GRM5: variants seen among roughly 807,000 people sequenced by gnomAD.
GRM5 encodes the protein metabotropic glutamate receptor 5.
GRM5 carries 19 observed loss-of-function variants against 83.1 expected under a neutral mutation model. The observed-to-expected ratio is 0.23, with a 90% CI of 0.16 to 0.34. The LOEUF (loss-of-function observed/expected upper bound fraction) is 0.34, where lower values mean the gene tolerates loss of function less well. GRM5 is among the 10% of genes least tolerant of loss of function. GRM5 has a pLI of 1.00. For synonymous variants in GRM5, 675 were observed against 633.6 expected (o/e 1.07, Z -0.98); for missense variants, 1,160 against 1,588.3 (o/e 0.73, Z 4.58).
chr11:88,569,676 T>G (rs1243628411), intron 7 of GRM5, among the ~76,000 whole-genome samples: 5 of 152,216 alleles, frequency 3.3e-5, no homozygotes, highest in Admixed American at 1.3e-4. Context: ...ACAGAAAATG[T>G]GTTCTGGGTT....
chr11:88,901,108 G>T, intron 2 of GRM5, among the ~76,000 whole-genome samples: 1 of 152,110 alleles, frequency 6.6e-6, no homozygotes, highest in Non-Finnish European at 1.5e-5. Context: ...GACGTGGACA[G>T]GTAGGGAGAG....
At chr11:88,955,574 A>C (rs1938584120) in intron 2 of GRM5, among the ~76,000 whole-genome samples, 1 of 152,202 alleles carries the variant, frequency 6.6e-6, no homozygotes. Context: ...TTAGCTTAAA[A>C]TGCTTTTTTT....
chr11:88,914,403 G>A (rs552476531), intron 2 of GRM5, among the ~76,000 whole-genome samples: 5 of 152,286 alleles, frequency 3.3e-5, no homozygotes, highest in Admixed American at 2.6e-4. Flanking sequence ...TGAGATTCTT[G>A]TGAGAGATCA....
chr11:88,601,920 A>C (rs936461535), intron 5 of GRM5, among the ~76,000 whole-genome samples: 1 of 152,174 alleles, frequency 6.6e-6, no homozygotes, highest in African/African-American at 2.4e-5. Flanking sequence ...CTGGGTTCCA[A>C]AAAACCTTTC....
intron 5 of GRM5, 90 bp downstream of exon 5, chr11:88,604,628 T>A: frequency 1.8e-6 from 2 of 1,091,928 alleles, no homozygotes; most frequent in African/African-American, 1.6e-5. Context: ...AAACCTAGAT[T>A]AACCACAAAG....
chr11:89,001,459 A>T (rs974198232), intron 2 of GRM5, among the ~76,000 whole-genome samples: 2 of 152,134 alleles, frequency 1.3e-5, no homozygotes, highest in Non-Finnish European at 2.9e-5. Context: ...CCGGAAAGTC[A>T]TATTTGTATA....
intron 2 of GRM5, among the ~76,000 whole-genome samples, chr11:89,003,294 T>C (rs574821818): frequency 1.3e-5 from 2 of 152,088 alleles, no homozygotes; most frequent in African/African-American, 4.8e-5. Context: ...ATATGGGATA[T>C]AGTGCCGGGC....
chr11:88,714,730 C>G (rs1054237383), intron 3 of GRM5, among the ~76,000 whole-genome samples: 2 of 151,826 alleles, frequency 1.3e-5, no homozygotes, highest in African/African-American at 4.8e-5. Context: ...ACTCATGTTT[C>G]CTGTGATGCA....
intron 4 of GRM5, among the ~76,000 whole-genome samples, chr11:88,650,866 CTTATT>C (rs1005704734): frequency 1.3e-5 from 2 of 151,900 alleles, no homozygotes; most frequent in Non-Finnish European, 2.9e-5. Context: ...ACTGGAGGAA[CTTATT>C]TTGTCTCTCT....
intron 9 of GRM5, among the ~76,000 whole-genome samples, chr11:88,517,597 A>ATAAGATTAT (rs1941557535): frequency 1.3e-5 from 2 of 152,294 alleles, no homozygotes; most frequent in South Asian, 4.1e-4. Flanking sequence ...CATAATGGGA[A>ATAAGATTAT]TATGCCAATA....
intron 1 of GRM5, among the ~76,000 whole-genome samples, chr11:89,062,633 C>T (rs1169912276): frequency 6.6e-6 from 1 of 152,224 alleles, no homozygotes; most frequent in Non-Finnish European, 1.5e-5. Context: ...AAGATTGTGT[C>T]TAAATAAGCA....
intron 3 of GRM5, among the ~76,000 whole-genome samples, chr11:88,841,551 G>T (rs1590902976): frequency 6.6e-6 from 1 of 152,138 alleles, no homozygotes; most frequent in Non-Finnish European, 1.5e-5. Flanking sequence ...GAAGAGCAAG[G>T]TTTTCACATC....
intron 3 of GRM5, among the ~76,000 whole-genome samples, chr11:88,846,459 G>A (rs1440923049): frequency 3.3e-5 from 5 of 152,176 alleles, no homozygotes; most frequent in Non-Finnish European, 7.4e-5. Flanking sequence ...GAAAGACCTA[G>A]TGGTGAGGTG....
chr11:88,944,255 G>C (rs1207331726), intron 2 of GRM5, among the ~76,000 whole-genome samples: 1 of 151,970 alleles, frequency 6.6e-6, no homozygotes, highest in Non-Finnish European at 1.5e-5. Flanking sequence ...GACAAACTAA[G>C]GAGTTTGGAT....
At position 88,767,565 on chromosome 11, in the gene GRM5, A is replaced by T. The variant is rs760483661; in HGVS notation, c.911+82341T>A. Among the ~76,000 whole-genome samples the T allele has an allele frequency of 1.3e-4, 20 of 152,034 alleles. 2 individuals are homozygous for T. Among genetic ancestry groups the T allele is most frequent in the Admixed American group, 6.6e-4 (10 of 15,232 alleles). On this transcript the variant is annotated intron_variant, in intron 3 of 9. Transcript: ENST00000305447. ...TGGAGGTCATTATCCTAAGCAAAGT[A>T]ATACAGGAGCAGAAAACCAAATACT... is the stretch of plus-strand genomic sequence containing the variant.
chr11:89,063,331 C>G (rs1236663282), intron 1 of GRM5: 1 of 152,264 alleles, frequency 6.6e-6, no homozygotes, highest in Non-Finnish European at 1.5e-5. Context: ...GCAAATGGAA[C>G]AGACTTGAAT....
At chr11:88,966,839 A>G (rs1229804073) in intron 2 of GRM5, among the ~76,000 whole-genome samples, 1 of 152,126 alleles carries the variant, frequency 6.6e-6, no homozygotes, top group Non-Finnish European at 1.5e-5. Flanking sequence ...ACTATGGCAG[A>G]TAATTCTGGT....
At chr11:88,747,575 A>G (rs1942170018) in intron 3 of GRM5, among the ~76,000 whole-genome samples, 1 of 152,184 alleles carries the variant, frequency 6.6e-6, no homozygotes, top group Admixed American at 6.6e-5. Flanking sequence ...TAAAAATGGA[A>G]AGGTGTCAAG....
At chr11:88,675,643 G>C (rs1940307652) in intron 3 of GRM5, among the ~76,000 whole-genome samples, 1 of 151,952 alleles carries the variant, frequency 6.6e-6, no homozygotes, top group African/African-American at 2.4e-5. Context: ...TTATTTACAG[G>C]AATAAAAGTA....
Sources: gnomAD v4.1 joint callset for allele counts (sites outside exome capture counted in the v4.1 genomes callset) on GRCh38, gnomAD v4.1.1 for gene constraint, MANE v1.5 for transcripts, NCBI Gene and HGNC (gene_info 2026-07-23, HGNC 2026-07-21) for gene names.